The following SLIT3 variants were observed in gnomAD, a reference collection of about 807,000 sequenced individuals.
SLIT3 encodes the protein slit homolog 3 protein.
In SLIT3, 68 loss-of-function variants were observed where a neutral mutation model predicts 184.0. The ratio of observed to expected loss-of-function variants is 0.37; its 90% CI spans 0.30 to 0.45. The LOEUF is 0.45. Among genes scored for constraint, SLIT3 ranks in the 20% least tolerant of loss-of-function variants. The pLI is 1.00. For synonymous variants in SLIT3, 831 were observed against 828.6 expected (o/e 1.00, Z -0.05); for missense variants, 1,707 against 2,026.0 (o/e 0.84, Z 3.02).
At chr5:169,042,396 G>C (rs1757474384) in intron 4 of SLIT3, among the ~76,000 whole-genome samples, 2 of 152,238 alleles carry the variant, frequency 1.3e-5, no homozygotes, top group Admixed American at 1.3e-4. Context: ...AACTGCTTTG[G>C]ACTGACCAAC....
At chr5:169,064,188 C>A (rs1758271318) in intron 4 of SLIT3, among the ~76,000 whole-genome samples, 1 of 152,158 alleles carries the variant, frequency 6.6e-6, no homozygotes, top group Non-Finnish European at 1.5e-5. Flanking sequence ...TATTAAAACC[C>A]TGTGACCCAC....
intron 10 of SLIT3, among the ~76,000 whole-genome samples, chr5:168,793,473 T>C (rs542791425): frequency 2.6e-5 from 4 of 152,322 alleles, no homozygotes; most frequent in African/African-American, 9.6e-5. Flanking sequence ...AAGTGTGCTC[T>C]CTTCTCTATT....
chr5:168,751,384 G>T (rs1754696761), intron 18 of SLIT3, among the ~76,000 whole-genome samples: 3 of 152,194 alleles, frequency 2.0e-5, no homozygotes, highest in Admixed American at 2.0e-4. Flanking sequence ...ACGACGAGCA[G>T]CTGTAAAACA....
chr5:168,955,859 C>A (rs1159393488), intron 4 of SLIT3, among the ~76,000 whole-genome samples: 5 of 152,154 alleles, frequency 3.3e-5, no homozygotes, highest in Admixed American at 6.5e-5. Flanking sequence ...AATCTCCCTT[C>A]CTGCCCCCAC....
chr5:169,273,786 T>A (rs1291253870), intron 1 of SLIT3, among the ~76,000 whole-genome samples: 4 of 152,122 alleles, frequency 2.6e-5, no homozygotes, highest in Non-Finnish European at 4.4e-5. Context: ...TTACCAAATA[T>A]CTAGTGTGTG....
chr5:168,716,658 T>C (rs1434133175), intron 23 of SLIT3, among the ~76,000 whole-genome samples: 1 of 152,244 alleles, frequency 6.6e-6, no homozygotes, highest in Non-Finnish European at 1.5e-5. Context: ...AGACATTGCA[T>C]CTTGGCAGAG....
chr5:169,240,697 A>G (rs1051140698), intron 3 of SLIT3, among the ~76,000 whole-genome samples: 19 of 149,040 alleles, frequency 1.3e-4, no homozygotes, highest in African/African-American at 4.7e-4. Flanking sequence ...ATGTTTTTTA[A>G]TTGGAGAATT....
At chr5:168,746,139 A>C (rs1763792014) in intron 20 of SLIT3, among the ~76,000 whole-genome samples, 1 of 152,194 alleles carries the variant, frequency 6.6e-6, no homozygotes, top group Admixed American at 6.5e-5. Flanking sequence ...TTTGTGCTTT[A>C]TGGTGGTCTG....
chr5:168,690,761 A>G (rs1761884004), intron 29 of SLIT3, among the ~76,000 whole-genome samples: 1 of 151,002 alleles, frequency 6.6e-6, no homozygotes. Flanking sequence ...GGAATGGGGT[A>G]GACACATGGA....
In SLIT3 at chr5:168,939,253, G is replaced by A. The variant is rs568646134; in HGVS notation, c.414-55917C>T. Among the ~76,000 whole-genome samples, 3 of 152,266 alleles carry A rather than the reference G, an allele frequency of 2.0e-5. No individual in the cohort carries two copies. In the South Asian group the frequency reaches 6.2e-4, roughly 32 times the overall value. ...GCCTTCAGGTATCACCGCTGGGCTC[G>A]GGCACATTTTACCAAAGGAAGCCAG... On this transcript the variant is annotated intron_variant, in intron 4 of 35. Transcript: ENST00000519560.
At chr5:168,991,267 T>C (rs1345031306) in intron 4 of SLIT3, among the ~76,000 whole-genome samples, 1 of 152,114 alleles carries the variant, frequency 6.6e-6, no homozygotes, top group African/African-American at 2.4e-5. Flanking sequence ...ATCAAGCAAA[T>C]TGTAGTTGTA....
chr5:169,087,984 T>G (rs955804325), intron 4 of SLIT3, among the ~76,000 whole-genome samples: 2 of 152,178 alleles, frequency 1.3e-5, no homozygotes, highest in Admixed American at 6.5e-5. Context: ...CCTACCACCC[T>G]TTTTCTCTGG....
At position 168,926,866 on chromosome 5, in the gene SLIT3, A is replaced by G. The variant is rs377322564; in HGVS notation, c.414-43530T>C. On this transcript the variant is annotated intron_variant, in intron 4 of 35. Coordinates refer to ENST00000519560, the MANE Select transcript of SLIT3 (RefSeq NM_003062.4). ...ACCTATTAAGATGGCTACTATCAAA[A>G]AAAAAACAAGTGTTGTCAAGGATGC... is the stretch of plus-strand genomic sequence containing the variant. Among the ~76,000 whole-genome samples, 296 of 152,332 alleles carry G rather than the reference A, an allele frequency of 1.9e-3. 1 individual carries two copies. The highest frequency in any genetic ancestry group is 6.8e-3 in the African/African-American group (284 of 41,572).
chr5:168,828,850 G>A (rs903773473), intron 6 of SLIT3, among the ~76,000 whole-genome samples: 2 of 152,084 alleles, frequency 1.3e-5, no homozygotes, highest in Non-Finnish European at 2.9e-5. Flanking sequence ...ATTGAACTAC[G>A]GAAAAAGCTA....
At chr5:169,137,177 C>T (rs1231988559) in intron 4 of SLIT3, among the ~76,000 whole-genome samples, 1 of 152,120 alleles carries the variant, frequency 6.6e-6, no homozygotes, top group Non-Finnish European at 1.5e-5. Context: ...AGCACAGGAA[C>T]CTACTTTACC....
intron 4 of SLIT3, among the ~76,000 whole-genome samples, chr5:169,086,485 T>C (rs1759302671): frequency 6.6e-6 from 1 of 152,358 alleles, no homozygotes; most frequent in Non-Finnish European, 1.5e-5. Flanking sequence ...TGAAAATTCA[T>C]TTGTAAAAAG....
intron 3 of SLIT3, among the ~76,000 whole-genome samples, chr5:169,198,170 C>G (rs559575277): frequency 1.3e-5 from 2 of 152,222 alleles, no homozygotes; most frequent in African/African-American, 2.4e-5. Flanking sequence ...GAATAAGATA[C>G]AGCCCCTTCT....
At chr5:169,036,363 G>C (rs1757248384) in intron 4 of SLIT3, 1 of 152,218 alleles carries the variant, frequency 6.6e-6, no homozygotes, top group African/African-American at 2.4e-5. Flanking sequence ...CAGCTACAGG[G>C]AGGTGAGAGA....
At chr5:168,777,055 A>G (rs895660339) in intron 12 of SLIT3, among the ~76,000 whole-genome samples, 6 of 149,122 alleles carry the variant, frequency 4.0e-5, no homozygotes, top group Non-Finnish European at 5.9e-5. Flanking sequence ...AAATTGGAAA[A>G]TTTCATACAA....
Sources: gnomAD v4.1 joint callset for allele counts (sites outside exome capture counted in the v4.1 genomes callset) on GRCh38, gnomAD v4.1.1 for gene constraint, MANE v1.5 for transcripts, NCBI Gene and HGNC (gene_info 2026-07-23, HGNC 2026-07-21) for gene names.